Variants in MDGA2 observed in about 807,000 individuals in gnomAD.
The protein encoded by MDGA2 is MAM domain-containing glycosylphosphatidylinositol anchor protein 2.
MDGA2 carries 40 observed loss-of-function variants against 117.8 expected under a neutral mutation model. That is an observed-to-expected ratio of 0.34 (90% confidence interval 0.26 to 0.44). MDGA2 has a LOEUF of 0.44. Ranked by LOEUF, MDGA2 falls within the 20% of genes least tolerant of loss-of-function variation. The pLI, the probability that MDGA2 is intolerant of heterozygous loss-of-function variation, is 1.00. For synonymous variants in MDGA2, 452 were observed against 439.0 expected (o/e 1.03, Z -0.37); for missense variants, 1,123 against 1,250.6 (o/e 0.90, Z 1.54).
intron 1 of MDGA2, among the ~76,000 whole-genome samples, chr14:47,594,940 C>T (rs1412244062): frequency 5.3e-5 from 8 of 152,058 alleles, no homozygotes; most frequent in African/African-American, 1.9e-4. Flanking sequence ...CTCCCTCAAA[C>T]CTTTTGGCCT....
intron 1 of MDGA2, among the ~76,000 whole-genome samples, chr14:47,643,020 C>T (rs1897458538): frequency 6.6e-6 from 1 of 151,960 alleles, no homozygotes; most frequent in African/African-American, 2.4e-5. Flanking sequence ...GTATGTAAGG[C>T]ACTTAAAATA....
chr14:47,498,690 T>C (rs1270165063), intron 1 of MDGA2, among the ~76,000 whole-genome samples: 1 of 152,118 alleles, frequency 6.6e-6, no homozygotes, highest in Non-Finnish European at 1.5e-5. Flanking sequence ...GGAACAAGTA[T>C]TTCCACATTA....
At chr14:47,023,205 A>AAAGAAAAAAG (rs1888354067) in intron 8 of MDGA2, among the ~76,000 whole-genome samples, 1 of 146,440 alleles carries the variant, frequency 6.8e-6, no homozygotes, top group African/African-American at 2.6e-5. Flanking sequence ...TCGTAAAAAA[A>AAAGAAAAAAG]AAAAAAAAAA....
intron 3 of MDGA2, among the ~76,000 whole-genome samples, chr14:47,186,468 C>G (rs556530757): frequency 6.6e-6 from 1 of 151,774 alleles, no homozygotes; most frequent in Non-Finnish European, 1.5e-5. Context: ...GCACACATAA[C>G]ATGCTTCACT....
At chr14:47,507,039 T>C (rs1002085490) in intron 1 of MDGA2, among the ~76,000 whole-genome samples, 32 of 151,988 alleles carry the variant, frequency 2.1e-4, no homozygotes, top group African/African-American at 7.7e-4. Context: ...CATTGTGCTC[T>C]TCCAAGTTAC....
rs1314555624 is a variant in MDGA2 at position 46,892,725 on chromosome 14, G to A, written c.2239-10504C>T. On this transcript the variant is annotated intron_variant, in intron 10 of 16. Coordinates refer to ENST00000399232, the MANE Select transcript of MDGA2 (RefSeq NM_001113498.3). ...CAATAGATATTTCTTTAAAGAAGAA[G>A]TAAAACTGGTCAACAGGTAGATGAA... Among the ~76,000 whole-genome samples the A allele has an allele frequency of 3.3e-5, 5 of 151,812 alleles. No individual in the cohort carries two copies. The South Asian group carries it at 1.0e-3, about 31-fold the overall frequency.
intron 3 of MDGA2, among the ~76,000 whole-genome samples, chr14:47,213,650 G>T (rs145474600): frequency 4.0e-5 from 6 of 151,816 alleles, no homozygotes; most frequent in African/African-American, 1.4e-4. Flanking sequence ...CCCTTCTGCT[G>T]ATTTTTATGT....
chr14:47,166,033 C>CTT (rs35219016), intron 3 of MDGA2, among the ~76,000 whole-genome samples: 49 of 115,482 alleles, frequency 4.2e-4, no homozygotes, highest in African/African-American at 1.3e-3. Context: ...GCACTGTTTA[C>CTT]TTTTTTTTTT....
intron 8 of MDGA2, among the ~76,000 whole-genome samples, chr14:47,015,388 T>A (rs28520447): frequency 6.8e-6 from 1 of 147,772 alleles, no homozygotes. Context: ...AAACACAGTA[T>A]GTGAAAGGTC....
At chr14:46,937,810 T>C (rs750571137) in intron 9 of MDGA2, among the ~76,000 whole-genome samples, 2 of 152,076 alleles carry the variant, frequency 1.3e-5, no homozygotes, top group Non-Finnish European at 2.9e-5. Context: ...TCCAAACAGA[T>C]TAAAGGCTTA....
intron 10 of MDGA2, among the ~76,000 whole-genome samples, chr14:46,916,234 C>G (rs1046452307): frequency 2.6e-5 from 4 of 152,110 alleles, no homozygotes; most frequent in Non-Finnish European, 5.9e-5. Context: ...ACTCCCAAGA[C>G]TTGTTCAAAA....
At chr14:47,611,096 C>A (rs1182921050) in intron 1 of MDGA2, among the ~76,000 whole-genome samples, 1 of 151,184 alleles carries the variant, frequency 6.6e-6, no homozygotes, top group African/African-American at 2.4e-5. Flanking sequence ...GCAAAAAAAA[C>A]ATAAAGTGGA....
chr14:47,184,142 C>A (rs1285131839), intron 3 of MDGA2, among the ~76,000 whole-genome samples: 1 of 151,826 alleles, frequency 6.6e-6, no homozygotes, highest in African/African-American at 2.4e-5. Flanking sequence ...GGAACAAAAA[C>A]ATTTATTTTC....
chr14:47,350,625 G>T (rs141488926), intron 1 of MDGA2, among the ~76,000 whole-genome samples: 2 of 152,246 alleles, frequency 1.3e-5, no homozygotes, highest in East Asian at 3.9e-4. Context: ...ATAAATAATT[G>T]AAGCCTTCAT....
At chr14:47,033,825 C>A (rs1888746198) in intron 8 of MDGA2, among the ~76,000 whole-genome samples, 1 of 152,112 alleles carries the variant, frequency 6.6e-6, no homozygotes, top group South Asian at 2.1e-4. Flanking sequence ...GCACCCAGAA[C>A]CTTGTCTCTC....
At chr14:47,446,633 CT>C in intron 1 of MDGA2, among the ~76,000 whole-genome samples, 1 of 152,014 alleles carries the variant, frequency 6.6e-6, no homozygotes, top group South Asian at 2.1e-4. Flanking sequence ...ACTTGCAAGA[CT>C]GAAGTTTACA....
At chr14:46,938,621 C>T (rs1320436766) in intron 9 of MDGA2, among the ~76,000 whole-genome samples, 3 of 148,700 alleles carry the variant, frequency 2.0e-5, no homozygotes, top group African/African-American at 7.4e-5. Context: ...ATGACAAATG[C>T]TGGTGAAGAT....
intron 1 of MDGA2, among the ~76,000 whole-genome samples, chr14:47,429,892 G>A (rs540293334): frequency 6.6e-6 from 1 of 151,006 alleles, no homozygotes; most frequent in African/African-American, 2.4e-5. Context: ...GAAACAAGGA[G>A]TGGGGGGACC....
intron 1 of MDGA2, among the ~76,000 whole-genome samples, chr14:47,632,814 A>T (rs185674190): frequency 1.3e-4 from 19 of 151,752 alleles, no homozygotes; most frequent in Admixed American, 2.0e-4. Context: ...CCTTCTGATT[A>T]ACACTTCACT....
Sources: gnomAD v4.1 joint callset for allele counts (sites outside exome capture counted in the v4.1 genomes callset) on GRCh38, gnomAD v4.1.1 for gene constraint, MANE v1.5 for transcripts, NCBI Gene and HGNC (gene_info 2026-07-23, HGNC 2026-07-21) for gene names.